The following CCSER2 variants were observed in gnomAD, a reference collection of about 807,000 sequenced individuals.
CCSER2 encodes coiled-coil serine rich protein 2.
In CCSER2, 46 loss-of-function variants were observed where a neutral mutation model predicts 92.3. The ratio of observed to expected loss-of-function variants is 0.50; its 90% CI spans 0.39 to 0.64. CCSER2 has a LOEUF of 0.64. Ranked by LOEUF, CCSER2 falls within the 30% of genes least tolerant of loss-of-function variation. The pLI is 0.00. For missense variants in CCSER2, 1,244 were observed against 1,238.9 expected, an observed-to-expected ratio of 1.00 and a Z score of -0.06; for synonymous variants, 433 against 431.4, an observed-to-expected ratio of 1.00 and a Z score of -0.04.
At chr10:84,486,293 G>A (rs1847804694) in intron 9 of CCSER2, among the ~76,000 whole-genome samples, 1 of 152,150 alleles carries the variant, frequency 6.6e-6, no homozygotes, top group African/African-American at 2.4e-5. Flanking sequence ...GGTATTTCTA[G>A]TTCTAGATCC....
chr10:84,390,666 A>G (rs1372704279), intron 3 of CCSER2, among the ~76,000 whole-genome samples: 1 of 152,206 alleles, frequency 6.6e-6, no homozygotes, highest in Non-Finnish European at 1.5e-5. Context: ...ATGTTGTTAT[A>G]TGGTGCACGA....
chr10:84,433,402 TGAA>T (rs941640383), intron 5 of CCSER2, among the ~76,000 whole-genome samples: 45 of 151,624 alleles, frequency 3.0e-4, no homozygotes, highest in Admixed American at 1.1e-3. Context: ...ACATAAGAAA[TGAA>T]GAAGAAAAAT....
At chr10:84,491,817 C>A (rs2350731) in intron 9 of CCSER2, among the ~76,000 whole-genome samples, 2 of 151,960 alleles carry the variant, frequency 1.3e-5, no homozygotes, top group South Asian at 2.1e-4. Context: ...GAAATCACCC[C>A]TCTTCTGGGT....
At chr10:84,330,322 C>T (rs1843491512) in intron 1 of CCSER2, among the ~76,000 whole-genome samples, 1 of 152,168 alleles carries the variant, frequency 6.6e-6, no homozygotes, top group African/African-American at 2.4e-5. Context: ...TGTGGTTTTT[C>T]AGTGTTCTTT....
chr10:84,501,832 A>T (rs536680931), intron 9 of CCSER2, among the ~76,000 whole-genome samples: 3 of 31,038 alleles, frequency 9.7e-5, no homozygotes, highest in Admixed American at 8.5e-4. Context: ...GAAAAAAAAA[A>T]AAATATATAT....
At chr10:84,448,838 CTTT>C (rs1374688647) in intron 6 of CCSER2, among the ~76,000 whole-genome samples, 1 of 152,068 alleles carries the variant, frequency 6.6e-6, no homozygotes, top group African/African-American at 2.4e-5. Flanking sequence ...GTTGTGTACT[CTTT>C]TTGTTTCTGA....
intron 5 of CCSER2, among the ~76,000 whole-genome samples, chr10:84,432,973 C>T (rs1430952032): frequency 6.6e-6 from 1 of 152,058 alleles, no homozygotes; most frequent in Non-Finnish European, 1.5e-5. Context: ...ATCTTTTATA[C>T]TCTGTTTTGA....
At chr10:84,363,540 G>A (rs148498157) in intron 1 of CCSER2, among the ~76,000 whole-genome samples, 1 of 152,236 alleles carries the variant, frequency 6.6e-6, no homozygotes, top group East Asian at 1.9e-4. Flanking sequence ...GTTTATGTCT[G>A]TTTAAACCCC....
intron 3 of CCSER2, among the ~76,000 whole-genome samples, chr10:84,388,929 G>C (rs1841371209): frequency 6.6e-6 from 1 of 152,108 alleles, no homozygotes; most frequent in Non-Finnish European, 1.5e-5. Flanking sequence ...CCATAGACTG[G>C]TACTGGTCCA....
rs182671496 is a variant in CCSER2 at position 84,396,939 on chromosome 10, C to A, written c.1615-20832C>A. On this transcript the variant is annotated intron_variant, in intron 3 of 9. Coordinates refer to ENST00000372088, the MANE Select transcript of CCSER2 (RefSeq NM_001284240.2). ...CCAACAATGGGCATCAAGATTGTTT[C>A]CAATATTTTACAGTTATAAACTGCC... Among the ~76,000 whole-genome samples the A allele has an allele frequency of 2.0e-5, 3 of 152,238 alleles. No homozygotes were observed. In the East Asian group the frequency reaches 5.8e-4, roughly 29 times the overall value.
At chr10:84,338,542 C>T (rs1276132018) in intron 1 of CCSER2, among the ~76,000 whole-genome samples, 1 of 152,150 alleles carries the variant, frequency 6.6e-6, no homozygotes, top group Non-Finnish European at 1.5e-5. Context: ...ACTTTATCCT[C>T]ATCTGTGCAC....
chr10:84,483,395 A>G (rs896844686), intron 9 of CCSER2, among the ~76,000 whole-genome samples: 18 of 147,010 alleles, frequency 1.2e-4, no homozygotes, highest in African/African-American at 4.2e-4. Flanking sequence ...CTCTGTCTCA[A>G]AAAAAAAAAA....
chr10:84,416,656 C>T (rs569160474), intron 3 of CCSER2, among the ~76,000 whole-genome samples: 40 of 151,840 alleles, frequency 2.6e-4, no homozygotes, highest in South Asian at 1.9e-3. Context: ...TGGCTGGGCG[C>T]GGTAGCTCAA....
At chr10:84,457,557 TATA>T (rs1403447241) in intron 6 of CCSER2, among the ~76,000 whole-genome samples, 2 of 116,782 alleles carry the variant, frequency 1.7e-5, no homozygotes, top group African/African-American at 6.8e-5. Context: ...TGTATATTAT[TATA>T]TATAAATTTA....
intron 9 of CCSER2, among the ~76,000 whole-genome samples, chr10:84,483,989 AT>A (rs1564711680): frequency 6.8e-4 from 27 of 39,964 alleles, no homozygotes; most frequent in East Asian, 1.4e-3. Context: ...ATATATATAT[AT>A]ATATATAATT....
chr10:84,367,334 A>G (rs1252418413), intron 1 of CCSER2, among the ~76,000 whole-genome samples: 2 of 149,662 alleles, frequency 1.3e-5, no homozygotes, highest in East Asian at 1.9e-4. Flanking sequence ...CCTTTGTCCT[A>G]CATTTTCTTT....
chr10:84,355,290 A>G (rs530443408), intron 1 of CCSER2, among the ~76,000 whole-genome samples: 1 of 151,978 alleles, frequency 6.6e-6, no homozygotes, highest in Non-Finnish European at 1.5e-5. Flanking sequence ...CTTCTTATGC[A>G]TTTCTGAAAC....
intron 6 of CCSER2, among the ~76,000 whole-genome samples, chr10:84,441,736 G>GTTTTTTTTTTTTTTTTTTT (rs869280119): frequency 2.3e-5 from 1 of 43,596 alleles, no homozygotes; most frequent in Admixed American, 3.3e-4. Context: ...CTGGGAAAAT[G>GTTTTTTTTTTTTTTTTTTT]TTTTTTTTTT....
intron 1 of CCSER2, among the ~76,000 whole-genome samples, chr10:84,351,411 T>C (rs1844851947): frequency 6.6e-6 from 1 of 152,040 alleles, no homozygotes; most frequent in African/African-American, 2.4e-5. Context: ...TTTGTATTTT[T>C]AGTAGAGATG....
Sources: gnomAD v4.1 joint callset for allele counts (sites outside exome capture counted in the v4.1 genomes callset) on GRCh38, gnomAD v4.1.1 for gene constraint, MANE v1.5 for transcripts, NCBI Gene and HGNC (gene_info 2026-07-23, HGNC 2026-07-21) for gene names.